The following CUBN variants were observed in gnomAD, a reference collection of about 807,000 sequenced individuals.
CUBN encodes cubilin, also known as 460 kDa receptor.
Under a neutral mutation model 405.3 loss-of-function variants are expected in CUBN, and 282 were observed. The observed-to-expected ratio is 0.70, with a 90% confidence interval of 0.63 to 0.77. The LOEUF (loss-of-function observed/expected upper bound fraction) is 0.77. Ranked by LOEUF, CUBN falls within the 30% of genes least tolerant of loss-of-function variation. The probability of loss-of-function intolerance (pLI) is 0.00; values close to 1 mark genes in which losing one functional copy is unlikely to be tolerated. For synonymous variants in CUBN, 1,684 were observed against 1,617.0 expected (o/e 1.04, Z -0.99); for missense variants, 4,514 against 4,475.2 (o/e 1.01, Z -0.25).
chr10:17,071,561 A>C lies in CUBN; in HGVS notation c.2490T>G (p.Pro830=), dbSNP rs758711669. ...ELTGEGVIRS[P]FFPNVYPGER... is the part of the protein sequence containing the mutation. ...CTCCAGGATACACGTTAGGAAAAAA[A>C]GGCGAGCGAATGACCCCTTCTCCAG... Residue 830 remains proline (P), a synonymous_variant, in exon 19 of 67, where the codon CCT becomes CCG. Transcript: ENST00000377833. 1 of 1,613,910 alleles carries C rather than the reference A, an allele frequency of 6.2e-7. No individual in the cohort carries two copies. Among genetic ancestry groups the C allele is most frequent in the Non-Finnish European group, 8.5e-7 (1 of 1,179,898 alleles).
At chr10:17,093,677 T>TA (rs149766749) in intron 14 of CUBN, among the ~76,000 whole-genome samples, 178 of 145,988 alleles carry the variant, frequency 1.2e-3, no homozygotes, top group African/African-American at 3.5e-3. Flanking sequence ...GAGGAAGTAG[T>TA]AAAAAAAAAA....
intron 36 of CUBN, among the ~76,000 whole-genome samples, chr10:16,942,288 T>C (rs1842672492): frequency 6.6e-6 from 1 of 152,130 alleles, no homozygotes; most frequent in African/African-American, 2.4e-5. Context: ...ATCCAATTAA[T>C]GCCCAGAAAT....
chr10:17,058,739 T>C lies in CUBN; in HGVS notation c.3139+6769A>G, dbSNP rs181514132. Among the ~76,000 whole-genome samples, 6 of 152,236 alleles carry C rather than the reference T, an allele frequency of 3.9e-5. No individual in the cohort carries two copies. In the East Asian group the frequency reaches 1.2e-3, roughly 29 times the overall value. ...TAAATGGCTCCTTCTAGAATAATAG[T>C]AATACTGAAAAATATCAATACTAAG... On this transcript the variant is annotated intron_variant, in intron 22 of 66. Coordinates refer to ENST00000377833, the MANE Select transcript of CUBN (RefSeq NM_001081.4).
intron 36 of CUBN, among the ~76,000 whole-genome samples, chr10:16,946,475 C>A (rs890900617): frequency 3.0e-4 from 44 of 146,098 alleles, no homozygotes; most frequent in African/African-American, 1.1e-3. Flanking sequence ...GTTAAAAAAA[C>A]TTCCAAAACC....
rs985841755 is a variant in CUBN, at chr10:16,943,025, A to C, written c.5343-2788T>G. Among the ~76,000 whole-genome samples, 3 of 152,226 alleles carry C rather than the reference A, an allele frequency of 2.0e-5. No homozygotes were observed. In the East Asian group the frequency reaches 5.8e-4, roughly 29 times the overall value. On this transcript the variant is annotated intron_variant, in intron 36 of 66. Coordinates refer to ENST00000377833, the MANE Select transcript of CUBN (RefSeq NM_001081.4). The stretch of plus-strand genomic sequence containing the variant: ...AAGTATAGTGCTCCCCTGGGGCTCT[A>C]TCTCAGCTAATGGAGGAGAATAGTT...
At chr10:16,890,817 A>G (rs1437831803) in intron 54 of CUBN, among the ~76,000 whole-genome samples, 1 of 152,068 alleles carries the variant, frequency 6.6e-6, no homozygotes. Flanking sequence ...GTTTCCTCAT[A>G]ACTTCTAGTT....
At chr10:17,026,826 C>T (rs2131798521) in intron 27 of CUBN, among the ~76,000 whole-genome samples, 1 of 152,280 alleles carries the variant, frequency 6.6e-6, no homozygotes, top group South Asian at 2.1e-4. Context: ...GAGGCTAAGT[C>T]CCCTCCATAA....
chr10:17,052,209 C>T (rs1452979843), intron 22 of CUBN, among the ~76,000 whole-genome samples: 4 of 151,938 alleles, frequency 2.6e-5, no homozygotes, highest in African/African-American at 7.3e-5. Flanking sequence ...TTTTAAAAAA[C>T]GAGAGTGTAA....
chr10:17,001,419 G>A (rs910849381), intron 28 of CUBN, among the ~76,000 whole-genome samples: 15 of 152,086 alleles, frequency 9.9e-5, no homozygotes, highest in East Asian at 7.7e-4. Context: ...TGATTGGTCC[G>A]TTTTACAGGG....
chr10:17,093,054 A>C (rs146403007), intron 14 of CUBN, among the ~76,000 whole-genome samples: 2 of 152,210 alleles, frequency 1.3e-5, no homozygotes, highest in Admixed American at 1.3e-4. Context: ...TCCCATACAC[A>C]CTCAAGAATT....
At chr10:16,963,806 A>C (rs1188103287) in intron 31 of CUBN, among the ~76,000 whole-genome samples, 3 of 152,222 alleles carry the variant, frequency 2.0e-5, no homozygotes, top group Non-Finnish European at 2.9e-5. Flanking sequence ...TTGAAGAAGG[A>C]TATGTAGCGT....
intron 22 of CUBN, among the ~76,000 whole-genome samples, chr10:17,057,806 A>G (rs1835426270): frequency 6.6e-6 from 1 of 152,026 alleles, no homozygotes; most frequent in African/African-American, 2.4e-5. Flanking sequence ...AACATGAAAA[A>G]TTTCCAGACA....
intron 28 of CUBN, among the ~76,000 whole-genome samples, chr10:16,998,886 G>A (rs755210344): frequency 2.0e-5 from 3 of 152,322 alleles, no homozygotes; most frequent in Admixed American, 6.5e-5. Flanking sequence ...AAGTCATAAC[G>A]ATTTTTAGTG....
chr10:16,846,317 A>G (rs1414751874), intron 60 of CUBN, among the ~76,000 whole-genome samples: 1 of 152,246 alleles, frequency 6.6e-6, no homozygotes, highest in African/African-American at 2.4e-5. Context: ...ACCATTCTAC[A>G]TATAAAAGGA....
At chr10:16,973,883 A>T (rs1046510566) in intron 31 of CUBN, among the ~76,000 whole-genome samples, 3 of 152,098 alleles carry the variant, frequency 2.0e-5, no homozygotes, top group Non-Finnish European at 4.4e-5. Context: ...TCTTCATCCC[A>T]TCCACCATTG....
chr10:16,981,665 G>A (rs1178826377), intron 31 of CUBN, among the ~76,000 whole-genome samples: 6 of 152,112 alleles, frequency 3.9e-5, no homozygotes, highest in Admixed American at 1.3e-4. Flanking sequence ...GCTCCCACCA[G>A]AGATGAGGGA....
rs1274425095 is a variant in CUBN, at chr10:16,869,781, A to T, written c.9309T>A (p.Asn3103Lys). The change falls in exon 59 of 67, where the codon AAT becomes AAA. Residue 3103 changes from asparagine (N) to lysine (K), a missense_variant. This residue lies in a region of CUBN where 1,186 missense variants were observed against 1,186.9 expected (regional missense o/e 1.00). Transcript: ENST00000377833. Reference sequence around the variant, plus strand: ...ATTTGCCAAGAAGGGGATCGCTGGTATTGGCACCATCGTAAATTGCCAGGT... The same window carrying T: ...ATTTGCCAAGAAGGGGATCGCTGGTTTTGGCACCATCGTAAATTGCCAGGT... ...HDYLAIYDGA[N>K]TSDPLLGKFC... The T allele has an allele frequency of 6.2e-7, 1 of 1,614,000 alleles. No individual in the cohort carries two copies. Among genetic ancestry groups the T allele is most frequent in the East Asian group, 2.2e-5 (1 of 44,890 alleles).
intron 59 of CUBN, among the ~76,000 whole-genome samples, chr10:16,868,676 A>C (rs895975030): frequency 6.6e-6 from 1 of 152,176 alleles, no homozygotes; most frequent in East Asian, 1.9e-4. Flanking sequence ...ATTTCTCACC[A>C]GTGGTGTTTG....
At chr10:16,991,085 T>C (rs1456791070) in intron 28 of CUBN, among the ~76,000 whole-genome samples, 2 of 152,052 alleles carry the variant, frequency 1.3e-5, no homozygotes, top group Admixed American at 1.3e-4. Flanking sequence ...ACAATGGATA[T>C]AGAAAAATCC....
Sources: gnomAD v4.1 joint callset for allele counts (sites outside exome capture counted in the v4.1 genomes callset) on GRCh38, gnomAD v4.1.1 for gene constraint, gnomAD v4.1.1 regional missense constraint, MANE v1.5 for transcripts, NCBI Gene and HGNC (gene_info 2026-07-23, HGNC 2026-07-21) for gene names.